TENM1: variants seen among roughly 807,000 people sequenced by gnomAD.
TENM1 encodes the protein teneurin-1.
In TENM1, 35 loss-of-function variants were observed where a neutral mutation model predicts 174.8. That is an observed-to-expected ratio of 0.20 (90% CI 0.15 to 0.27). TENM1 has a LOEUF of 0.27. TENM1 is among the 10% of genes least tolerant of loss of function. The pLI, the probability that TENM1 is intolerant of heterozygous loss-of-function variation, is 1.00. For synonymous variants in TENM1, 781 were observed against 798.7 expected, an observed-to-expected ratio of 0.98 and a Z score of 0.37; for missense variants, 1,633 against 2,130.1, an observed-to-expected ratio of 0.77 and a Z score of 4.59.
the TENM1 span, among the ~76,000 whole-genome samples, chrX:125,033,030 C>T: frequency 9.0e-6 from 1 of 111,364 alleles, no homozygotes. Context: ...GTGGAGGTAA[C>T]TTCGGTTGTT....
chrX:124,681,819 A>C (rs1272693338), intron 5 of TENM1, among the ~76,000 whole-genome samples: 4 of 112,064 alleles, frequency 3.6e-5, no homozygotes, highest in Non-Finnish European at 7.5e-5. Flanking sequence ...TAAAGTACCT[A>C]GAAAAAAATG....
At chrX:124,988,770 C>T in the TENM1 span, among the ~76,000 whole-genome samples, 1 of 111,312 alleles carries the variant, frequency 9.0e-6, no homozygotes, top group Non-Finnish European at 1.9e-5. Context: ...ATGCCATTCA[C>T]GTTATGGAGA....
chrX:124,583,555 C>A (rs2049393504), intron 11 of TENM1, among the ~76,000 whole-genome samples: 1 of 110,433 alleles, frequency 9.1e-6, no homozygotes, highest in South Asian at 3.9e-4. Context: ...TCATCAAAGA[C>A]CAAAAGTAGA....
chrX:124,513,462 T>G (rs1212160536), intron 18 of TENM1, among the ~76,000 whole-genome samples: 5 of 112,211 alleles, frequency 4.5e-5, no homozygotes, highest in Non-Finnish European at 9.4e-5. Context: ...ATCTGTAACC[T>G]TAATTCTCTT....
At chrX:124,755,338 T>C (rs1293758477) in intron 3 of TENM1, among the ~76,000 whole-genome samples, 1 of 111,271 alleles carries the variant, frequency 9.0e-6, no homozygotes, top group Non-Finnish European at 1.9e-5. Context: ...TTCCATTTGC[T>C]TGGTAGATCT....
chrX:125,048,635 T>A, the TENM1 span, among the ~76,000 whole-genome samples: 1 of 111,023 alleles, frequency 9.0e-6, no homozygotes, highest in Admixed American at 9.6e-5. Flanking sequence ...TGGGTGAAGG[T>A]TGTTAGTAAG....
chrX:124,905,939 G>A (rs1032325789), intron 1 of TENM1, among the ~76,000 whole-genome samples: 1 of 111,955 alleles, frequency 8.9e-6, no homozygotes, highest in Non-Finnish European at 1.9e-5. Flanking sequence ...CATCCACAGT[G>A]GAAAACCTCA....
At chrX:125,155,977 G>A in the TENM1 span, among the ~76,000 whole-genome samples, 1 of 112,837 alleles carries the variant, frequency 8.9e-6, no homozygotes, top group African/African-American at 3.2e-5. Flanking sequence ...GGGAGGCGCC[G>A]AGAGCGAGCG....
the TENM1 span, among the ~76,000 whole-genome samples, chrX:124,980,278 G>A: frequency 9.0e-6 from 1 of 111,340 alleles, no homozygotes; most frequent in East Asian, 2.8e-4. Context: ...TATGGTTTAT[G>A]AGTTGAAAAT....
At chrX:124,604,280 G>A (rs762717126) in intron 11 of TENM1, among the ~76,000 whole-genome samples, 9 of 111,303 alleles carry the variant, frequency 8.1e-5, no homozygotes, top group African/African-American at 2.6e-4. Flanking sequence ...CTTTCTTAAT[G>A]ATATTTTATT....
rs141337836 is a variant in TENM1, at chrX:124,724,968, A to G, written c.776+11989T>C. ...CCTTCTGACATATGAGGACAAAGCA[A>G]TAACGTGCTGTATATGAAGAACAGG... On this transcript the variant is annotated intron_variant, in intron 4 of 31. Coordinates refer to ENST00000422452, the Ensembl canonical transcript of TENM1. Among the ~76,000 whole-genome samples, 626 of 111,676 alleles carry G rather than the reference A, an allele frequency of 5.6e-3. 8 individuals are homozygous for G. Among genetic ancestry groups the G allele is most frequent in the African/African-American group, 0.019 (593 of 30,777 alleles).
At chrX:124,452,192 C>T (rs896600976) in intron 23 of TENM1, among the ~76,000 whole-genome samples, 2 of 112,357 alleles carry the variant, frequency 1.8e-5, no homozygotes, top group African/African-American at 6.5e-5. Flanking sequence ...ACAAACAACC[C>T]ATCAACAAGT....
rs2266912 is a variant in TENM1 at position 124,388,044 on chromosome X, T to C, written c.5689-1980A>G. ...GCAGGGGGCAGGGGTGGAAAAGCTTTGTACAGGAATTGTGGAAAAGCTTTT... is the reference window on the plus strand; with the variant it reads ...GCAGGGGGCAGGGGTGGAAAAGCTTCGTACAGGAATTGTGGAAAAGCTTTT... On this transcript the variant is annotated intron_variant, in intron 28 of 31. Transcript: ENST00000422452. Among the ~76,000 whole-genome samples, 11 of 112,379 alleles carry C rather than the reference T, an allele frequency of 9.8e-5. No homozygotes were observed. The East Asian group carries it at 2.8e-3, about 28-fold the overall frequency.
chrX:124,649,858 A>G (rs1389973363), intron 8 of TENM1, among the ~76,000 whole-genome samples: 3 of 111,452 alleles, frequency 2.7e-5, no homozygotes, highest in Admixed American at 9.6e-5. Context: ...TGTTTAATCA[A>G]GTATATTGGC....
the TENM1 span, among the ~76,000 whole-genome samples, chrX:125,120,741 T>C: frequency 8.9e-6 from 1 of 111,734 alleles, no homozygotes; most frequent in Non-Finnish European, 1.9e-5. Context: ...TTGTATGGGA[T>C]ATACCATGAT....
chrX:124,550,009 A>AT (rs1158189163), intron 14 of TENM1, among the ~76,000 whole-genome samples: 3 of 109,708 alleles, frequency 2.7e-5, no homozygotes, highest in Non-Finnish European at 3.8e-5. Flanking sequence ...ATATTAACTG[A>AT]TTTTTACTTT....
chrX:125,017,759 T>A, the TENM1 span, among the ~76,000 whole-genome samples: 16 of 111,448 alleles, frequency 1.4e-4, no homozygotes, highest in South Asian at 7.5e-4. Flanking sequence ...CTCAGCAAAC[T>A]AACACAGGAA....
chrX:124,852,377 G>C (rs1603246420), intron 3 of TENM1, among the ~76,000 whole-genome samples: 1 of 109,772 alleles, frequency 9.1e-6, no homozygotes, highest in Middle Eastern at 4.8e-3. Context: ...GAGGGCTGGA[G>C]GTAAGGCAGA....
chrX:124,868,580 C>A (rs1170505801), intron 3 of TENM1, among the ~76,000 whole-genome samples: 1 of 111,360 alleles, frequency 9.0e-6, no homozygotes, highest in Non-Finnish European at 1.9e-5. Flanking sequence ...CAAAAAATTT[C>A]TTAAGCAATA....
Sources: gnomAD v4.1 joint callset for allele counts (sites outside exome capture counted in the v4.1 genomes callset) on GRCh38, gnomAD v4.1.1 for gene constraint, MANE v1.5 for transcripts, NCBI Gene and HGNC (gene_info 2026-07-23, HGNC 2026-07-21) for gene names.